PLEC: variants seen among roughly 807,000 people sequenced by gnomAD.
PLEC encodes hemidesmosomal protein 1.
Under a neutral mutation model 392.8 loss-of-function variants are expected in PLEC, and 216 were observed. The ratio of observed to expected loss-of-function variants is 0.55; its 90% CI spans 0.49 to 0.62. The LOEUF (loss-of-function observed/expected upper bound fraction) is 0.62. Ranked by LOEUF, PLEC falls within the 20% of genes least tolerant of loss-of-function variation. The pLI is 0.00. For synonymous variants in PLEC, 3,621 were observed against 2,980.6 expected, an observed-to-expected ratio of 1.21 and a Z score of -7.00; for missense variants, 6,863 against 6,563.4, an observed-to-expected ratio of 1.05 and a Z score of -1.58.
chr8:143,966,848 C>G (rs1022441830), intron 1 of PLEC, among the ~76,000 whole-genome samples: 1 of 152,144 alleles, frequency 6.6e-6, no homozygotes, highest in Non-Finnish European at 1.5e-5. Context: ...ACCCTATGAG[C>G]GTGACACCAA....
chr8:143,975,227 C>T (rs782186838), upstream of PLEC: 11 of 1,605,400 alleles, frequency 6.9e-6, no homozygotes, highest in Non-Finnish European at 9.3e-6. This position sits in a 1 kb window ranked among gnomAD's most constrained non-coding sequence, Gnocchi z 9.9. Flanking sequence ...ACTCCCGTTG[C>T]TCCCAGCGCC....
chr8:143,945,187 GGACAGCCA>G, intron 1 of PLEC: 1 of 477,550 alleles, frequency 2.1e-6, no homozygotes, highest in Non-Finnish European at 4.2e-6. Flanking sequence ...CCGGTGGCCG[GGACAGCCA>G]CCCCAAAGTC....
Position 143,920,750 on chromosome 8 carries a change from T to A in PLEC, c.9071A>T (p.Asn3024Ile), listed in dbSNP as rs535089650. 5 of 1,605,462 alleles carry A rather than the reference T, an allele frequency of 3.1e-6. No individual in the cohort carries two copies. In the South Asian group the frequency reaches 3.3e-5, roughly 11 times the overall value. Residue 3024 changes from asparagine to isoleucine, a missense_variant, in exon 32 of 32, where the codon AAC (asparagine) becomes ATC (isoleucine). Coordinates refer to ENST00000345136, the MANE Select transcript of PLEC (RefSeq NM_201384.3). ...CTCCAGCCATACACCCGCGATGACG[T>A]TGGCACCCCGGAGAGCCCGCCGCAC... is the stretch of plus-strand genomic sequence containing the variant. Reference protein sequence around the residue: ...DTVRRALRGANVIAGVWLEEA... With the variant: ...DTVRRALRGAIVIAGVWLEEA...
At chr8:143,956,754 A>C (rs1832617470), upstream of PLEC, among the ~76,000 whole-genome samples, 2 of 152,186 alleles carry the variant, frequency 1.3e-5, no homozygotes, top group African/African-American at 4.8e-5. Flanking sequence ...AGGCTTATCG[A>C]CAAGCTGCAG....
rs1554676912 is a variant in PLEC, at chr8:143,919,017, C to T, written c.10804G>A (p.Ala3602Thr). 1.9e-6 allele frequency: 3 copies of T among 1,611,274 alleles called. No individual in the cohort carries two copies. The highest frequency in any genetic ancestry group is 1.7e-5 in the Admixed American group (1 of 60,026). Reference sequence around the variant, plus strand: ...GCCTGGAAGTCAGCCATCAGCTGGGCCCGCTGCTCCTCGGGGATCAGGTCC... The same window carrying T: ...GCCTGGAAGTCAGCCATCAGCTGGGTCCGCTGCTCCTCGGGGATCAGGTCC... The part of the protein sequence containing the change: ...QSDLIPEEQR[A>T]QLMADFQAGR... Residue 3602 changes from alanine (A) to threonine (T), a missense_variant, in exon 32 of 32, where the codon GCC (alanine) becomes ACC (threonine). Ala to Thr is a moderately conservative substitution (Grantham distance 58). Coordinates refer to ENST00000345136, the MANE Select transcript of PLEC (RefSeq NM_201384.3).
rs782302896 is a variant in PLEC at position 143,919,502 on chromosome 8, T to C, written c.10319A>G (p.Tyr3440Cys). The part of the protein sequence containing the change: ...EKAVTGYRDP[Y>C]SGSTISLFQA... ...GAAGAGGGAGATGGTGCTGCCCGAG[T>C]AGGGGTCTCTGTAGCCGGTGACGGC... Residue 3440 changes from tyrosine to cysteine, a missense_variant, in exon 32 of 32, where the codon TAC becomes TGC. By Grantham distance (194) the Tyr-to-Cys change is radical (BLOSUM62 -2). Coordinates refer to ENST00000345136, the MANE Select transcript of PLEC (RefSeq NM_201384.3). The C allele has an allele frequency of 3.1e-6, 5 of 1,612,658 alleles. No individual in the cohort carries two copies. Among genetic ancestry groups the C allele is most frequent in the Non-Finnish European group, 4.2e-6 (5 of 1,179,830 alleles).
chr8:143,958,018 C>G (rs1232849439), upstream of PLEC, among the ~76,000 whole-genome samples: 2 of 152,226 alleles, frequency 1.3e-5, no homozygotes, highest in Non-Finnish European at 2.9e-5. The surrounding 1 kb of genome is among the most constrained non-coding windows in gnomAD (Gnocchi z 4.9). Flanking sequence ...ACATCCAGCA[C>G]ACACTCAGCC....
rs782127410 is a variant in PLEC at position 143,920,368 on chromosome 8, G to A, written c.9453C>T (p.Arg3151=). 10 of 1,593,528 alleles carry A rather than the reference G, an allele frequency of 6.3e-6. No individual in the cohort carries two copies. The highest frequency in any genetic ancestry group is 2.7e-5 in the African/African-American group (2 of 74,596). Residue 3151 remains arginine (R), a synonymous_variant, in exon 32 of 32, where the codon CGC becomes CGT. Coordinates refer to ENST00000345136, the MANE Select transcript of PLEC (RefSeq NM_201384.3). ...GGIVDPSKSH[R]VPLDVACARG... is the part of the protein sequence containing the mutation. Reference sequence around the variant, plus strand: ...GGGCGCAGGCGACATCCAGGGGCACGCGGTGGCTCTTGCTGGGGTCCACGA... The same window carrying A: ...GGGCGCAGGCGACATCCAGGGGCACACGGTGGCTCTTGCTGGGGTCCACGA...
rs1824090910 is a variant in PLEC, at chr8:143,924,315, C to T, written c.5614G>A (p.Asp1872Asn). The T allele has an allele frequency of 1.0e-5, 16 of 1,594,564 alleles. No homozygotes were observed. Among genetic ancestry groups the T allele is most frequent in the Non-Finnish European group, 1.2e-5 (14 of 1,177,784 alleles). Reference protein sequence around the residue: ...ENERLRRLAEDEAFQRRRLEE... With the variant: ...ENERLRRLAENEAFQRRRLEE... ...AGCCGCCGCCGCTGGAAGGCCTCGTCCTCCGCCAGCCGCCGCAGGCGCTCG... is the reference window on the plus strand; with the variant it reads ...AGCCGCCGCCGCTGGAAGGCCTCGTTCTCCGCCAGCCGCCGCAGGCGCTCG... The change falls in exon 31 of 32, where the codon GAC becomes AAC. Residue 1872 changes from aspartate (D) to asparagine (N), a missense_variant. Coordinates refer to ENST00000345136, the MANE Select transcript of PLEC (RefSeq NM_201384.3).
upstream of PLEC, among the ~76,000 whole-genome samples, chr8:143,952,220 ACGCACGCG>A (rs1564213803): frequency 2.6e-3 from 359 of 139,880 alleles, 3 homozygotes; most frequent in Middle Eastern, 0.014. Flanking sequence ...GCGCGCACAC[ACGCACGCG>A]CACGCGCACG....
In PLEC at chr8:143,932,737, C is replaced by T. The variant is rs781863094; in HGVS notation, c.1738-25G>A. Reference sequence around the variant, plus strand: ...CCTGCAACAGATGAGACGGTGAGGTCTGCAGTGGCTGGGCCCGGCCCACCC... The same window carrying T: ...CCTGCAACAGATGAGACGGTGAGGTTTGCAGTGGCTGGGCCCGGCCCACCC... On this transcript the variant is annotated intron_variant, in intron 14 of 31. Coordinates refer to ENST00000345136, the MANE Select transcript of PLEC (RefSeq NM_201384.3). 8.1e-6 allele frequency: 13 copies of T among 1,608,282 alleles called. No individual in the cohort carries two copies. The South Asian group carries it at 1.4e-4, about 18-fold the overall frequency.
chr8:143,950,440 C>T (rs782134358), exon 1 of PLEC: 14 of 1,601,748 alleles, frequency 8.7e-6, no homozygotes, highest in African/African-American at 4.0e-5. Context: ...CGATCTCTGG[C>T]GGCAGGTGCA....
Position 143,923,504 on chromosome 8 carries a change from G to C in PLEC, c.6425C>G (p.Ala2142Gly). 3.1e-6 allele frequency: 5 copies of C among 1,596,690 alleles called. No individual in the cohort carries two copies. Among genetic ancestry groups the C allele is most frequent in the Non-Finnish European group, 3.4e-6 (4 of 1,174,668 alleles). Reference protein sequence around the residue: ...QAAAEKLRKEAEQEAARRAQA... With the variant: ...QAAAEKLRKEGEQEAARRAQA... ...TGCCCGCCGCGCCGCCTCTTGCTCG[G>C]CCTCCTTGCGCAGCTTCTCTGCAGC... Residue 2142 changes from alanine (A) to glycine (G), a missense_variant, in exon 31 of 32, where the codon GCC becomes GGC. Transcript: ENST00000345136.
At position 143,934,697 on chromosome 8, in the gene PLEC, T is replaced by A; in HGVS notation, c.979A>T (p.Met327Leu). Reference sequence around the variant, plus strand: ...TCGGCCTCCTTGGCTGGTAGCTCCATCTCCTTAAACTTCAGGAACTGAGAC... The same window carrying A: ...TCGGCCTCCTTGGCTGGTAGCTCCAACTCCTTAAACTTCAGGAACTGAGAC... ...LWSQFLKFKE[M>L]ELPAKEADKN... The change falls in exon 10 of 32, where the codon ATG becomes TTG. Residue 327 changes from methionine to leucine, a missense_variant. Coordinates refer to ENST00000345136, the MANE Select transcript of PLEC (RefSeq NM_201384.3). 6.2e-7 allele frequency: 1 copy of A among 1,612,820 alleles called. No individual in the cohort carries two copies. The highest frequency in any genetic ancestry group is 2.2e-5 in the East Asian group (1 of 44,868).
At position 143,916,961 on chromosome 8, in the gene PLEC, T is replaced by C. The variant is rs1554670527; in HGVS notation, c.12860A>G (p.Glu4287Gly). The C allele has an allele frequency of 6.2e-7, 1 of 1,612,706 alleles. No individual in the cohort carries two copies. The highest frequency in any genetic ancestry group is 8.5e-7 in the Non-Finnish European group (1 of 1,179,986). ...GGTGATGGACACCTTCTCCAGCGTC[T>C]CCGTGTCCAGGATGCCAGCCACGGG... ...TGPVAGILDT[E>G]TLEKVSITEA... is the part of the protein sequence containing the mutation. Residue 4287 changes from glutamate (E) to glycine (G), a missense_variant, in exon 32 of 32, where the codon GAG (glutamate) becomes GGG (glycine). Physicochemically the swap from Glu to Gly is moderately conservative, Grantham distance 98 (BLOSUM62 -2). Coordinates refer to ENST00000345136, the MANE Select transcript of PLEC (RefSeq NM_201384.3).
At chr8:143,944,562 GC>G, upstream of PLEC, 1 of 786,814 alleles carries the variant, frequency 1.3e-6, no homozygotes, top group Middle Eastern at 2.5e-4. Flanking sequence ...AGCGCCCCTG[GC>G]CTCCAGCCTC....
In PLEC at chr8:143,937,091, G is replaced by C. The variant is rs781848170; in HGVS notation, c.343-20C>G. On this transcript the variant is annotated intron_variant, in intron 4 of 31. Coordinates refer to ENST00000345136, the MANE Select transcript of PLEC (RefSeq NM_201384.3). ...CTTCACCTGTGAGCGAGGGGCTCTC[G>C]GTCACGGCCCACAGGGCGGGGCTGG... 1.2e-5 allele frequency: 20 copies of C among 1,610,920 alleles called. No homozygotes were observed. The Admixed American group carries it at 2.3e-4, about 19-fold the overall frequency.
Position 143,973,458 on chromosome 8 carries a change from C to T in PLEC, c.15G>A (p.Leu5=). ...CCTGGATGAAGTCCTGCTCGTCGGGCAGCGGGCCGGCCATGCCGGCGGGCG... is the reference window on the plus strand; with the variant it reads ...CCTGGATGAAGTCCTGCTCGTCGGGTAGCGGGCCGGCCATGCCGGCGGGCG... The change falls in exon 1 of 32, where the codon CTG becomes CTA. Residue 5 remains leucine, a synonymous_variant. Coordinates refer to the PLEC transcript ENST00000356346. This position sits in a 1 kb window ranked among gnomAD's most constrained non-coding sequence, Gnocchi z 5.6. 1 of 1,517,294 alleles carries T rather than the reference C, an allele frequency of 6.6e-7. No individual in the cohort carries two copies. Among genetic ancestry groups the T allele is most frequent in the Non-Finnish European group, 8.8e-7 (1 of 1,132,326 alleles). 94.0% of individuals were successfully genotyped at this position (1,517,294 alleles called of 1,614,324 possible).
chr8:143,919,622 T>C lies in PLEC; in HGVS notation c.10199A>G (p.Asp3400Gly), dbSNP rs1426463601. 4 of 1,584,902 alleles carry C rather than the reference T, an allele frequency of 2.5e-6. No individual in the cohort carries two copies. The highest frequency in any genetic ancestry group is 3.4e-6 in the Non-Finnish European group (4 of 1,168,462). ...ATACAGGCGCTGGTTCCGCACGGGG[T>C]CCACCAGGAAGCCAGTGGCCGCCTG... ...EAQAATGFLVDPVRNQRLYVH... is the reference protein window; with the variant it reads ...EAQAATGFLVGPVRNQRLYVH... The change falls in exon 32 of 32, where the codon GAC (aspartate) becomes GGC (glycine). Residue 3400 changes from aspartate to glycine, a missense_variant. By Grantham distance (94) the Asp-to-Gly change is moderately conservative (BLOSUM62 -1). Transcript: ENST00000345136.
Sources: allele counts gnomAD v4.1 joint callset (sites outside exome capture counted in the v4.1 genomes callset), GRCh38; gene constraint gnomAD v4.1.1; non-coding constraint Gnocchi (gnomAD v3.1); transcripts MANE v1.5; gene names NCBI Gene and HGNC (gene_info 2026-07-23, HGNC 2026-07-21).